The following SYNPR variants were observed in gnomAD, a reference collection of about 807,000 sequenced individuals.
SYNPR encodes synaptoporin.
A neutral mutation model predicts 32.9 loss-of-function variants in SYNPR; 23 were observed. The ratio of observed to expected loss-of-function variants is 0.70; its 90% CI spans 0.50 to 0.99. The LOEUF is 0.99. SYNPR is among the 50% of genes least tolerant of loss of function. SYNPR has a pLI of 0.00. For missense variants in SYNPR, 318 were observed against 349.3 expected (o/e 0.91, Z 0.71); for synonymous variants, 146 against 135.9 (o/e 1.07, Z -0.52).
intron 2 of SYNPR, among the ~76,000 whole-genome samples, chr3:63,479,652 A>G (rs796617011): frequency 2.6e-5 from 4 of 152,266 alleles, no homozygotes; most frequent in African/African-American, 9.6e-5. Context: ...CACCTTCTGA[A>G]CTTTCTGGAA....
intron 2 of SYNPR, chr3:63,444,297 A>G (rs1228595306): frequency 1.3e-5 from 2 of 152,230 alleles, no homozygotes; most frequent in African/African-American, 4.8e-5. Context: ...TTTTTGTTCG[A>G]GAGTAAAAGA....
intron 2 of SYNPR, among the ~76,000 whole-genome samples, chr3:63,459,045 T>C (rs1052330612): frequency 6.6e-6 from 1 of 152,034 alleles, no homozygotes; most frequent in African/African-American, 2.4e-5. Flanking sequence ...TTGTCTCCCA[T>C]TGTTCTTTCA....
In SYNPR at chr3:63,345,550, C is replaced by G. The variant is rs917452709; in HGVS notation, c.84+66808C>G. 2.1e-4 allele frequency among the ~76,000 whole-genome samples: 32 copies of G among 152,096 alleles called. 1 individual carries two copies. The highest frequency in any genetic ancestry group is 7.7e-4 in the African/African-American group (32 of 41,408). On this transcript the variant is annotated intron_variant, in intron 2 of 5. Transcript: ENST00000478300. Reference sequence around the variant, plus strand: ...GGGTGACCTCCAGTGAGGGGCAGAGCCTGGCTGAGGTGACCTTGCAGGGAA... The same window carrying G: ...GGGTGACCTCCAGTGAGGGGCAGAGGCTGGCTGAGGTGACCTTGCAGGGAA...
chr3:63,535,548 A>G (rs1702189266), intron 3 of SYNPR, among the ~76,000 whole-genome samples: 1 of 152,202 alleles, frequency 6.6e-6, no homozygotes, highest in South Asian at 2.1e-4. Flanking sequence ...AAATCTAGGT[A>G]ATCAAGACAG....
chr3:63,349,772 T>C (rs1007955906), intron 2 of SYNPR, among the ~76,000 whole-genome samples: 8 of 152,194 alleles, frequency 5.3e-5, no homozygotes, highest in Admixed American at 2.0e-4. Context: ...TCAACTCCCT[T>C]TGCCCAGTAG....
chr3:63,487,870 T>C (rs934066902), intron 3 of SYNPR, among the ~76,000 whole-genome samples: 1 of 152,140 alleles, frequency 6.6e-6, no homozygotes, highest in African/African-American at 2.4e-5. Context: ...GAAATTCAAT[T>C]CAACGAGAGG....
At chr3:63,582,947 G>C (rs770622512) in intron 4 of SYNPR, among the ~76,000 whole-genome samples, 1 of 152,068 alleles carries the variant, frequency 6.6e-6, no homozygotes, top group Non-Finnish European at 1.5e-5. Context: ...CACCTAAACA[G>C]GCTTTGTGTG....
chr3:63,460,367 C>G (rs1005440417), intron 2 of SYNPR, among the ~76,000 whole-genome samples: 1 of 152,086 alleles, frequency 6.6e-6, no homozygotes, highest in Non-Finnish European at 1.5e-5. Flanking sequence ...CTCACCCTGA[C>G]TGCCCTTCAT....
intron 2 of SYNPR, among the ~76,000 whole-genome samples, chr3:63,259,486 C>A (rs1464269815): frequency 6.6e-6 from 1 of 152,164 alleles, no homozygotes; most frequent in Non-Finnish European, 1.5e-5. Flanking sequence ...ATGATTATCT[C>A]AATAGATGCA....
At chr3:63,469,683 G>T (rs989626382) in intron 2 of SYNPR, among the ~76,000 whole-genome samples, 2 of 152,162 alleles carry the variant, frequency 1.3e-5, no homozygotes, top group African/African-American at 4.8e-5. Flanking sequence ...CCCGATGGAA[G>T]TTGCCCTTTT....
rs1399833587 is a variant in SYNPR at position 63,292,531 on chromosome 3, G to A, written c.84+13789G>A. ...GTCAGCTCCATTAGTTACAAGCTAT[G>A]TGACCTTGGACACATTACTTAACCT... On this transcript the variant is annotated intron_variant, in intron 2 of 5. Transcript: ENST00000478300. 4.6e-5 allele frequency among the ~76,000 whole-genome samples: 7 copies of A among 152,318 alleles called. No individual in the cohort carries two copies. The East Asian group carries it at 9.6e-4, about 21-fold the overall frequency.
intron 2 of SYNPR, among the ~76,000 whole-genome samples, chr3:63,412,074 G>C (rs372536762): frequency 2.0e-5 from 3 of 152,190 alleles, no homozygotes; most frequent in African/African-American, 2.4e-5. Context: ...ATTGGAGATA[G>C]AGTTAGGAAG....
At chr3:63,280,630 C>T (rs560051926) in intron 2 of SYNPR, among the ~76,000 whole-genome samples, 11 of 152,230 alleles carry the variant, frequency 7.2e-5, no homozygotes, top group African/African-American at 2.6e-4. Flanking sequence ...TGATTCACCT[C>T]GTTCTTTGAA....
chr3:63,326,498 G>A (rs1423047908), intron 2 of SYNPR, among the ~76,000 whole-genome samples: 2 of 152,088 alleles, frequency 1.3e-5, no homozygotes, highest in Admixed American at 6.6e-5. Flanking sequence ...GTAACAAATA[G>A]GATTATACTG....
chr3:63,370,117 G>T (rs1393487554), intron 2 of SYNPR, among the ~76,000 whole-genome samples: 2 of 152,132 alleles, frequency 1.3e-5, no homozygotes, highest in Non-Finnish European at 2.9e-5. Context: ...CACATAATCA[G>T]CAAGCAGCTA....
intron 2 of SYNPR, among the ~76,000 whole-genome samples, chr3:63,470,939 T>G (rs1407851959): frequency 6.6e-6 from 1 of 152,236 alleles, no homozygotes; most frequent in African/African-American, 2.4e-5. Context: ...TCAGACTTTC[T>G]GTTATCTACA....
At chr3:63,425,436 G>GT (rs1295072875) in intron 2 of SYNPR, among the ~76,000 whole-genome samples, 5 of 152,190 alleles carry the variant, frequency 3.3e-5, no homozygotes, top group Admixed American at 2.0e-4. Flanking sequence ...ATGATTAATG[G>GT]TAAACAATGA....
chr3:63,350,651 T>TA (rs1447331463), intron 2 of SYNPR, among the ~76,000 whole-genome samples: 1 of 152,156 alleles, frequency 6.6e-6, no homozygotes, highest in African/African-American at 2.4e-5. Context: ...AACAGGCAAA[T>TA]AAAATGAGTG....
chr3:63,594,667 A>G (rs1254717381), intron 4 of SYNPR, among the ~76,000 whole-genome samples: 1 of 152,132 alleles, frequency 6.6e-6, no homozygotes, highest in Non-Finnish European at 1.5e-5. Flanking sequence ...TTAAAGAAGC[A>G]AATATATGTA....
Sources: allele counts gnomAD v4.1 joint callset (sites outside exome capture counted in the v4.1 genomes callset), GRCh38; gene constraint gnomAD v4.1.1; transcripts MANE v1.5; gene names NCBI Gene and HGNC (gene_info 2026-07-23, HGNC 2026-07-21).